The following ZNF75D variants were observed in gnomAD, a reference collection of about 807,000 sequenced individuals.
The protein encoded by ZNF75D is zinc finger protein 75D, also known as zinc finger protein 75.
Under a neutral mutation model 33.3 loss-of-function variants are expected in ZNF75D, and 33 were observed. The observed-to-expected ratio is 0.99, with a 90% CI of 0.75 to 1.32. ZNF75D has a LOEUF of 1.32. ZNF75D is among the 40% of genes most tolerant of loss of function. The probability of loss-of-function intolerance (pLI) is 0.00; values close to 1 mark genes in which losing one functional copy is unlikely to be tolerated. For missense variants in ZNF75D, 338 were observed against 367.5 expected, an observed-to-expected ratio of 0.92 and a Z score of 0.66; for synonymous variants, 113 against 130.6, an observed-to-expected ratio of 0.87 and a Z score of 0.92.
At chrX:135,290,919 G>T in intron 6 of ZNF75D, 90 bp downstream of exon 6, 1 of 869,891 alleles carries the variant, frequency 1.1e-6, no homozygotes, top group Non-Finnish European at 1.6e-6. Flanking sequence ...TGTTGGAACA[G>T]TGGGACTCTC....
chrX:135,294,327 A>G (rs1171209430), intron 2 of ZNF75D, 69 bp from the exon 3 acceptor site: 1 of 337,354 alleles, frequency 3.0e-6, no homozygotes, highest in Admixed American at 5.4e-5. Context: ...CTTGCTATTT[A>G]TTGTTAGAGG....
intron 1 of ZNF75D, among the ~76,000 whole-genome samples, chrX:135,256,695 A>G (rs782037402): frequency 9.1e-6 from 1 of 110,377 alleles, no homozygotes; most frequent in East Asian, 2.9e-4. Flanking sequence ...CCCTCCTCCA[A>G]CCCCTGGTAG....
chrX:135,280,389 G>A (rs782706376), intron 1 of ZNF75D, among the ~76,000 whole-genome samples: 1 of 111,643 alleles, frequency 9.0e-6, no homozygotes, highest in Non-Finnish European at 1.9e-5. Flanking sequence ...GTCTTTGCAC[G>A]TGAGATGGGT....
At chrX:135,256,861 C>T (rs1054901048) in intron 1 of ZNF75D, among the ~76,000 whole-genome samples, 5 of 112,042 alleles carry the variant, frequency 4.5e-5, no homozygotes, top group African/African-American at 1.6e-4. Context: ...TAGAATAGGG[C>T]ACTGGGCAGA....
intron 1 of ZNF75D, among the ~76,000 whole-genome samples, chrX:135,260,061 TTTG>T (rs2083832465): frequency 8.9e-6 from 1 of 112,178 alleles, no homozygotes; most frequent in African/African-American, 3.2e-5. Context: ...TCATGTGCTT[TTTG>T]TTGTTGGTTC....
At chrX:135,324,798 G>A (rs1435196708) in intron 1 of ZNF75D, among the ~76,000 whole-genome samples, 5 of 112,514 alleles carry the variant, frequency 4.4e-5, no homozygotes, top group African/African-American at 1.6e-4. Flanking sequence ...AGTTGTCTTA[G>A]GTCTCTGAGA....
chrX:135,294,025 T>C lies in ZNF75D; in HGVS notation c.116A>G (p.Lys39Arg). The change falls in exon 3 of 7, where the codon AAA (lysine) becomes AGA (arginine). Residue 39 changes from lysine (K) to arginine (R), a missense_variant. Transcript: ENST00000370766. ...GCTCTCAGGACCAAGATTCTCTATT[T>C]TTGTGCTGTATTTCTTACTCTGACT... ...NSSQSKKYST[K>R]IENLGPESAC... 1 of 1,211,785 alleles carries C rather than the reference T, an allele frequency of 8.3e-7. No homozygotes were observed. Among genetic ancestry groups the C allele is most frequent in the Non-Finnish European group, 1.1e-6 (1 of 895,433 alleles).
intron 1 of ZNF75D, among the ~76,000 whole-genome samples, chrX:135,334,108 C>T (rs1312640037): frequency 8.9e-6 from 1 of 112,223 alleles, no homozygotes; most frequent in East Asian, 2.8e-4. Flanking sequence ...GGATATGTTC[C>T]ATGGGAGAGG....
At chrX:135,312,951 A>C (rs1407789167) in intron 1 of ZNF75D, among the ~76,000 whole-genome samples, 1 of 111,902 alleles carries the variant, frequency 8.9e-6, no homozygotes, top group East Asian at 2.8e-4. Context: ...TCAGCAGGTT[A>C]TCTCTCCACT....
chrX:135,259,022 G>A lies in ZNF75D; in HGVS notation n.828-3245C>T, dbSNP rs1556415024. Among the ~76,000 whole-genome samples the A allele has an allele frequency of 5.3e-5, 6 of 112,201 alleles. No individual in the cohort carries two copies. In the South Asian group the frequency reaches 2.2e-3, roughly 42 times the overall value. On this transcript the variant is annotated intron_variant and non_coding_transcript_variant, in intron 1 of 3. Transcript: ENST00000494295. ...TCAGCTTTCTACATATGGCTAGCCAGTTTTCCCAGCACCATTTATTAAATA... is the reference window on the plus strand; with the variant it reads ...TCAGCTTTCTACATATGGCTAGCCAATTTTCCCAGCACCATTTATTAAATA...
chrX:135,325,409 T>C (rs969416746), intron 1 of ZNF75D, among the ~76,000 whole-genome samples: 3 of 111,046 alleles, frequency 2.7e-5, no homozygotes, highest in African/African-American at 9.8e-5. Flanking sequence ...CTTTCTGGGC[T>C]GGCCAAGGCC....
At position 135,319,657 on chromosome X, in the gene ZNF75D, G is replaced by A. The variant is rs139461351; in HGVS notation, c.-391+22111C>T. 7.6e-3 allele frequency among the ~76,000 whole-genome samples: 858 copies of A among 112,257 alleles called. 4 individuals are homozygous for A. Among genetic ancestry groups the A allele is most frequent in the Middle Eastern group, 0.032 (7 of 218 alleles). ...AGGGAAATTTACTGAAATGTCTAAG[G>A]ATAAGGCAAAGTTGGGGGGCCAATA... On this transcript the variant is annotated intron_variant, in intron 1 of 6. Coordinates refer to ENST00000370766, the MANE Select transcript of ZNF75D (RefSeq NM_007131.5).
At chrX:135,323,928 G>A (rs782482823) in intron 1 of ZNF75D, among the ~76,000 whole-genome samples, 75 of 109,961 alleles carry the variant, frequency 6.8e-4, no homozygotes, top group African/African-American at 2.5e-3. Context: ...AGAGATCAAA[G>A]ATACTCTGTG....
In ZNF75D at chrX:135,322,114, G is replaced by A. The variant is rs782498222; in HGVS notation, c.-391+19654C>T. ...AGTCTCACCAGCTGGTCAGGACCTC[G>A]GCTGCTACTAAGTGGCCTGGACACT... is the stretch of plus-strand genomic sequence containing the variant. On this transcript the variant is annotated intron_variant, in intron 1 of 6. Transcript: ENST00000370766. Among the ~76,000 whole-genome samples, 7 of 111,758 alleles carry A rather than the reference G, an allele frequency of 6.3e-5. No individual in the cohort carries two copies. The South Asian group carries it at 1.1e-3, about 18-fold the overall frequency.
chrX:135,278,748 A>G (rs1556418041), intron 1 of ZNF75D, among the ~76,000 whole-genome samples: 1 of 112,123 alleles, frequency 8.9e-6, no homozygotes, highest in Non-Finnish European at 1.9e-5. Flanking sequence ...TGAGATAATC[A>G]TGTGGTTTTT....
At position 135,291,255 on chromosome X, in the gene ZNF75D, A is replaced by G. The variant is rs192353982; in HGVS notation, c.697-120T>C. 3.4e-4 allele frequency: 316 copies of G among 937,588 alleles called. 1 individual carries two copies. In the African/African-American group the frequency reaches 5.5e-3, roughly 16 times the overall value. 77.3% of individuals were successfully genotyped at this position (937,588 alleles called of 1,213,427 possible). A position where few individuals can be genotyped will look rare whatever the true frequency, so the allele number is the denominator to read the frequency against. On this transcript the variant is annotated intron_variant, in intron 5 of 6. Coordinates refer to ENST00000370766, the MANE Select transcript of ZNF75D (RefSeq NM_007131.5). ...ATGTGAACAGTACAAGATTTAGGGG[A>G]AAAAAGTGAGAAGGCAGAAAGGAAG...
chrX:135,303,292 G>A lies in ZNF75D; in HGVS notation c.-390-7253C>T, dbSNP rs185939042. 1.3e-3 allele frequency among the ~76,000 whole-genome samples: 140 copies of A among 110,835 alleles called. 1 individual carries two copies. The highest frequency in any genetic ancestry group is 2.0e-3 in the African/African-American group (61 of 30,462). On this transcript the variant is annotated intron_variant, in intron 1 of 6. Coordinates refer to ENST00000370766, the MANE Select transcript of ZNF75D (RefSeq NM_007131.5). ...TCCTCAGCACAGACCCTTCATGGGTGTCGGGCTGGGGGACGGTCAGGTCTT... is the reference window on the plus strand; with the variant it reads ...TCCTCAGCACAGACCCTTCATGGGTATCGGGCTGGGGGACGGTCAGGTCTT...
intron 1 of ZNF75D, among the ~76,000 whole-genome samples, chrX:135,300,866 C>A (rs1556424483): frequency 9.0e-6 from 1 of 111,502 alleles, no homozygotes. Context: ...AAAAAGCAAG[C>A]GCTTTGAGGG....
chrX:135,264,004 T>C (rs1004875741), intron 1 of ZNF75D, among the ~76,000 whole-genome samples: 3 of 112,351 alleles, frequency 2.7e-5, no homozygotes, highest in African/African-American at 6.5e-5. Flanking sequence ...CTATGAGTCT[T>C]CATCCCTTCA....
Sources: gnomAD v4.1 joint callset for allele counts (sites outside exome capture counted in the v4.1 genomes callset) on GRCh38, gnomAD v4.1.1 for gene constraint, MANE v1.5 for transcripts, NCBI Gene and HGNC (gene_info 2026-07-23, HGNC 2026-07-21) for gene names.